MTARC2: variants seen among roughly 807,000 people sequenced by gnomAD.
MTARC2 encodes the protein MOCO sulphurase C-terminal domain containing 2.
A neutral mutation model predicts 35.6 loss-of-function variants in MTARC2; 27 were observed. That is an observed-to-expected ratio of 0.76 (90% CI 0.56 to 1.04). The LOEUF is 1.04. MTARC2 is among the 50% of genes least tolerant of loss of function. The probability of loss-of-function intolerance (pLI) is 0.00; values close to 1 mark genes in which losing one functional copy is unlikely to be tolerated. For missense variants in MTARC2, 412 were observed against 432.5 expected, an observed-to-expected ratio of 0.95 and a Z score of 0.42; for synonymous variants, 158 against 167.1, an observed-to-expected ratio of 0.95 and a Z score of 0.42.
intron 2 of MTARC2, among the ~76,000 whole-genome samples, chr1:220,759,492 C>CGCCTTCCATT (rs1279846240): frequency 6.6e-6 from 1 of 152,026 alleles, no homozygotes; most frequent in Non-Finnish European, 1.5e-5. Context: ...TGCCTTCCAT[C>CGCCTTCCATT]GGGGGGAAGG....
At position 220,771,752 on chromosome 1, in the gene MTARC2, G is replaced by A. The variant is rs565387943; in HGVS notation, c.751-8266G>A. Among the ~76,000 whole-genome samples, 312 of 152,182 alleles carry A rather than the reference G, an allele frequency of 2.1e-3. 1 individual carries two copies. Among genetic ancestry groups the A allele is most frequent in the Non-Finnish European group, 3.9e-3 (262 of 68,010 alleles). On this transcript the variant is annotated intron_variant, in intron 4 of 7. Coordinates refer to ENST00000366913, the MANE Select transcript of MTARC2 (RefSeq NM_017898.5). ...GTAACAGCGCCCACCAGGGCCTCTCGGGGGGTGGGGGACAAGGGGTGGGAG... is the reference window on the plus strand; with the variant it reads ...GTAACAGCGCCCACCAGGGCCTCTCAGGGGGTGGGGGACAAGGGGTGGGAG...
intron 4 of MTARC2, among the ~76,000 whole-genome samples, chr1:220,772,189 C>G: frequency 6.6e-6 from 1 of 152,170 alleles, no homozygotes; most frequent in Non-Finnish European, 1.5e-5. Flanking sequence ...TTTTCTCTCA[C>G]ATAAATAATG....
At chr1:220,780,944 GA>G (rs1157432012) in intron 6 of MTARC2, among the ~76,000 whole-genome samples, 1 of 146,846 alleles carries the variant, frequency 6.8e-6, no homozygotes, top group African/African-American at 2.6e-5. Flanking sequence ...TGAAATATTA[GA>G]AAAAAATGAA....
chr1:220,769,385 G>C (rs1319492776), intron 4 of MTARC2, among the ~76,000 whole-genome samples: 5 of 152,216 alleles, frequency 3.3e-5, no homozygotes, highest in Non-Finnish European at 7.3e-5. Context: ...AGTGAGATCT[G>C]CCTGGGCCGG....
Position 220,751,511 on chromosome 1 carries a change from T to A in MTARC2, c.272+2708T>A, listed in dbSNP as rs146549864. ...TGTTGGAGAAAGGAATCCCTTAAGTTTATTATTGTCCAGGGTGTTATTCCC... is the reference window on the plus strand; with the variant it reads ...TGTTGGAGAAAGGAATCCCTTAAGTATATTATTGTCCAGGGTGTTATTCCC... On this transcript the variant is annotated intron_variant, in intron 1 of 7. Transcript: ENST00000366913. Among the ~76,000 whole-genome samples the A allele has an allele frequency of 2.2e-4, 34 of 152,324 alleles. No homozygotes were observed. The East Asian group carries it at 4.4e-3, about 20-fold the overall frequency.
intron 1 of MTARC2, chr1:220,754,296 T>G (rs1671217128): frequency 2.2e-6 from 1 of 456,134 alleles, no homozygotes; most frequent in Non-Finnish European, 4.4e-6. Context: ...TCCAGTACAG[T>G]GGGCTCTCTA....
Position 220,762,966 on chromosome 1 carries a change from T to C in MTARC2, c.666T>C (p.Asp222=). Reference sequence around the variant, plus strand: ...TCATGACAGATGCCTCCCTGGTAGATTTGAATACCAGGATGGAGAAGAAAA... The same window carrying C: ...TCATGACAGATGCCTCCCTGGTAGACTTGAATACCAGGATGGAGAAGAAAA... ...LLIMTDASLV[D]LNTRMEKKMK... The change falls in exon 4 of 8, where the codon GAT becomes GAC. Residue 222 remains aspartate (D), a synonymous_variant. Transcript: ENST00000366913. The C allele has an allele frequency of 6.2e-7, 1 of 1,614,096 alleles. No individual in the cohort carries two copies. Among genetic ancestry groups the C allele is most frequent in the Non-Finnish European group, 8.5e-7 (1 of 1,179,994 alleles).
At chr1:220,769,522 G>T (rs1419692759) in intron 4 of MTARC2, among the ~76,000 whole-genome samples, 1 of 152,136 alleles carries the variant, frequency 6.6e-6, no homozygotes, top group Non-Finnish European at 1.5e-5. Context: ...TGTGTAGCCA[G>T]GGGTGGGAAC....
At chr1:220,750,505 T>C (rs1296489720) in intron 1 of MTARC2, among the ~76,000 whole-genome samples, 2 of 152,364 alleles carry the variant, frequency 1.3e-5, no homozygotes, top group East Asian at 1.9e-4. Context: ...GTCCTTTGCC[T>C]GTGCTTTTTG....
rs1295147455 is a variant in MTARC2, at chr1:220,784,153, A to C, written c.*266A>C. ...GGCTTTAAAAATAATTAAGATCATCAAAAATGCTATTTTGAATGTTATCAT... is the reference window on the plus strand; with the variant it reads ...GGCTTTAAAAATAATTAAGATCATCCAAAATGCTATTTTGAATGTTATCAT... On this transcript the variant is annotated 3_prime_UTR_variant, in exon 8 of 8. Coordinates refer to ENST00000366913, the MANE Select transcript of MTARC2 (RefSeq NM_017898.5). 1 of 484,782 alleles carries C rather than the reference A, an allele frequency of 2.1e-6. No individual in the cohort carries two copies. The highest frequency in any genetic ancestry group is 2.0e-5 in the African/African-American group (1 of 51,100). The allele number at this position is 484,782 out of a possible 1,614,324, so 30.0% of individuals were successfully genotyped here. A position where few individuals can be genotyped will look rare whatever the true frequency, so the allele number is the denominator to read the frequency against.
At chr1:220,782,628 T>C (rs1313992596) in intron 7 of MTARC2, among the ~76,000 whole-genome samples, 1 of 152,178 alleles carries the variant, frequency 6.6e-6, no homozygotes, top group African/African-American at 2.4e-5. Context: ...TCTCCAAAAC[T>C]CTTGACCATC....
chr1:220,754,557 G>C (rs764378961), intron 1 of MTARC2: 2 of 399,294 alleles, frequency 5.0e-6, no homozygotes, highest in Non-Finnish European at 9.9e-6. Context: ...GGACCTGAAA[G>C]CTATTTTACT....
At chr1:220,763,079 T>TG in intron 4 of MTARC2, 29 bp downstream of exon 4, 1 of 1,614,118 alleles carries the variant, frequency 6.2e-7, no homozygotes, top group Non-Finnish European at 8.5e-7. Flanking sequence ...TTGTGCATCA[T>TG]GCTCAGATGT....
rs1007286002 is a variant in MTARC2, at chr1:220,755,196, G to T, written c.446+76G>T. 8 of 1,445,040 alleles carry T rather than the reference G, an allele frequency of 5.5e-6. No homozygotes were observed. In the African/African-American group the frequency reaches 1.1e-4, roughly 21 times the overall value. 89.5% of individuals were successfully genotyped at this position (1,445,040 alleles called of 1,614,324 possible). On this transcript the variant is annotated intron_variant, in intron 2 of 7. Transcript: ENST00000366913. ...CAGGCTCCTCCTTGCATTCTGTCTTGCTATAGTTTCTACAGTAGAGGATGA... is the reference window on the plus strand; with the variant it reads ...CAGGCTCCTCCTTGCATTCTGTCTTTCTATAGTTTCTACAGTAGAGGATGA...
rs555767231 is a variant in MTARC2 at position 220,770,032 on chromosome 1, G to T, written c.750+6982G>T. ...TGAGGCAGGAGAATGGCGTGAACCC[G>T]GGAGGCGGAGCTTGCAGTGAGCCGA... On this transcript the variant is annotated intron_variant, in intron 4 of 7. Transcript: ENST00000366913. Among the ~76,000 whole-genome samples the T allele has an allele frequency of 1.2e-4, 18 of 151,512 alleles. No homozygotes were observed. In the South Asian group the frequency reaches 2.1e-3, roughly 18 times the overall value.
intron 4 of MTARC2, among the ~76,000 whole-genome samples, chr1:220,765,797 G>A (rs943236025): frequency 3.3e-5 from 5 of 152,186 alleles, no homozygotes; most frequent in Non-Finnish European, 7.3e-5. Flanking sequence ...GCCCAGGCTG[G>A]TCTTGAACTC....
At chr1:220,777,308 G>A (rs1367832021) in intron 4 of MTARC2, among the ~76,000 whole-genome samples, 1 of 152,192 alleles carries the variant, frequency 6.6e-6, no homozygotes, top group Non-Finnish European at 1.5e-5. Context: ...TTAGGTACTG[G>A]AGAATCATTT....
At chr1:220,769,740 TTC>T (rs112145810) in intron 4 of MTARC2, among the ~76,000 whole-genome samples, 47,965 of 149,590 alleles carry the variant, frequency 0.32, 8,834 homozygotes, top group East Asian at 0.68. Flanking sequence ...GGGCACTTTC[TTC>T]TCTCTCTCTC....
intron 1 of MTARC2, among the ~76,000 whole-genome samples, chr1:220,750,197 G>A (rs960560742): frequency 6.6e-6 from 1 of 152,206 alleles, no homozygotes; most frequent in African/African-American, 2.4e-5. Context: ...GATGTTTAGA[G>A]CTTATTCAAA....
Sources: allele counts gnomAD v4.1 joint callset (sites outside exome capture counted in the v4.1 genomes callset), GRCh38; gene constraint gnomAD v4.1.1; transcripts MANE v1.5; gene names NCBI Gene and HGNC (gene_info 2026-07-23, HGNC 2026-07-21).